The following PPP2R1B variants were observed in gnomAD, a reference collection of about 807,000 sequenced individuals.
The protein encoded by PPP2R1B is protein phosphatase 2 scaffold subunit Abeta.
PPP2R1B carries 58 observed loss-of-function variants against 72.7 expected under a neutral mutation model. The ratio of observed to expected loss-of-function variants is 0.80; its 90% CI spans 0.65 to 0.99. The LOEUF (loss-of-function observed/expected upper bound fraction) is 0.99, where lower values mean the gene tolerates loss of function less well. PPP2R1B is among the 50% of genes least tolerant of loss of function. PPP2R1B has a pLI of 0.00. For synonymous variants in PPP2R1B, 256 were observed against 264.6 expected (o/e 0.97, Z 0.32); for missense variants, 695 against 733.6 (o/e 0.95, Z 0.61).
the PPP2R1B span, among the ~76,000 whole-genome samples, chr11:111,688,727 T>G: frequency 6.6e-6 from 1 of 152,238 alleles, no homozygotes; most frequent in African/African-American, 2.4e-5. The surrounding 1 kb of genome is among the most constrained non-coding windows in gnomAD (Gnocchi z 4.2). Context: ...TTATTTTATA[T>G]TCTCAGTCTC....
At chr11:111,754,184 T>C (rs1479540042) in intron 8 of PPP2R1B, among the ~76,000 whole-genome samples, 1 of 152,210 alleles carries the variant, frequency 6.6e-6, no homozygotes, top group Non-Finnish European at 1.5e-5. Flanking sequence ...CCCAAAGTGC[T>C]TGGATTACAG....
chr11:111,753,559 T>C lies in PPP2R1B; in HGVS notation c.1048A>G (p.Asn350Asp). 1 of 1,607,782 alleles carries C rather than the reference T, an allele frequency of 6.2e-7. No individual in the cohort carries two copies. Among genetic ancestry groups the C allele is most frequent in the South Asian group, 1.1e-5 (1 of 89,364 alleles). Residue 350 changes from asparagine (N) to aspartate (D), a missense_variant, in exon 9 of 15, where the codon AAT (asparagine) becomes GAT (aspartate). Transcript: ENST00000527614. ...GCTAGAGCCGATTTGACATGTTGAT[T>C]GGTATCGGATACTAATTCCTAAAAT... ...PYIKELVSDTNQHVKSALASV... is the reference protein window; with the variant it reads ...PYIKELVSDTDQHVKSALASV...
At chr11:111,713,193 AG>A in the PPP2R1B span, among the ~76,000 whole-genome samples, 1 of 79,462 alleles carries the variant, frequency 1.3e-5, no homozygotes, top group Non-Finnish European at 3.4e-5. Context: ...TAAAAATAAA[AG>A]TTAGTATGTG....
chr11:111,717,491 G>A, the PPP2R1B span, among the ~76,000 whole-genome samples: 18 of 152,176 alleles, frequency 1.2e-4, no homozygotes, highest in African/African-American at 4.3e-4. Flanking sequence ...TACACTGTTA[G>A]TGGGAGTGTA....
At chr11:111,708,460 T>G in the PPP2R1B span, among the ~76,000 whole-genome samples, 4 of 152,190 alleles carry the variant, frequency 2.6e-5, no homozygotes, top group Non-Finnish European at 5.9e-5. Context: ...CCTCTTAGAT[T>G]TGGAGTGCTT....
Position 111,750,843 on chromosome 11 carries a change from GT to G in PPP2R1B, c.1338+1315del, listed in dbSNP as rs11410952. ...AAGCTTCAGTTTTTGTTTTTGTTTTGTTTTTTTTTTTTTGACACAAAGTTTT... is the reference window on the plus strand; with the variant it reads ...AAGCTTCAGTTTTTGTTTTTGTTTTGTTTTTTTTTTTTGACACAAAGTTTT... On this transcript the variant is annotated intron_variant, in intron 10 of 14. Coordinates refer to ENST00000527614, the MANE Select transcript of PPP2R1B (RefSeq NM_002716.5). Among the ~76,000 whole-genome samples, 627 of 145,510 alleles carry G rather than the reference GT, an allele frequency of 4.3e-3. 3 individuals are homozygous for G. Among genetic ancestry groups the G allele is most frequent in the Non-Finnish European group, 7.2e-3 (475 of 66,088 alleles).
At chr11:111,733,143 C>G (rs986477913), downstream of PPP2R1B, among the ~76,000 whole-genome samples, 2 of 152,312 alleles carry the variant, frequency 1.3e-5, no homozygotes, top group African/African-American at 4.8e-5. Context: ...GGGCAGAGAG[C>G]TTGCCAGGCG....
chr11:111,740,743 A>C lies in PPP2R1B; in HGVS notation c.*853T>G. On this transcript the variant is annotated 3_prime_UTR_variant, in exon 15 of 15. Transcript: ENST00000527614. Reference sequence around the variant, plus strand: ...TACTGCTGGAAGCAGAGCCAGGTAAAGAACAGGAAATCTGCACAGTATTAT... The same window carrying C: ...TACTGCTGGAAGCAGAGCCAGGTAACGAACAGGAAATCTGCACAGTATTAT... The C allele has an allele frequency of 1.0e-6, 1 of 985,496 alleles. No homozygotes were observed. The highest frequency in any genetic ancestry group is 1.7e-5 in the African/African-American group (1 of 57,378). 61.0% of individuals were successfully genotyped at this position (985,496 alleles called of 1,614,324 possible). A position where few individuals can be genotyped will look rare whatever the true frequency, so the allele number is the denominator to read the frequency against.
chr11:111,721,935 C>T (rs755602326), downstream of PPP2R1B: 13 of 1,596,358 alleles, frequency 8.1e-6, no homozygotes, highest in South Asian at 6.8e-5. Context: ...GCAGCACAGA[C>T]TCCAGGTGGG....
At position 111,742,568 on chromosome 11, in the gene PPP2R1B, T is replaced by C. The variant is rs367938997; in HGVS notation, c.1652A>G (p.Asn551Ser). The C allele has an allele frequency of 6.1e-5, 99 of 1,613,838 alleles. No individual in the cohort carries two copies. The highest frequency in any genetic ancestry group is 2.4e-4 in the African/African-American group (18 of 74,942). ...AATCTTTTGTAGAGATTTGGCCACA[T>C]TGAAGCGAACATTTGCTACTTGGTC... The part of the protein sequence containing the change: ...AGDQVANVRF[N>S]VAKSLQKIGP... Residue 551 changes from asparagine to serine, a missense_variant, in exon 13 of 15, where the codon AAT (asparagine) becomes AGT (serine). Asn to Ser is a conservative substitution (Grantham distance 46). Transcript: ENST00000527614.
the PPP2R1B span, chr11:111,719,958 ACT>A: frequency 1.2e-6 from 2 of 1,613,918 alleles, no homozygotes; most frequent in Non-Finnish European, 1.7e-6. Flanking sequence ...GAGACGGCAC[ACT>A]CTGTCAGAAG....
the PPP2R1B span, among the ~76,000 whole-genome samples, chr11:111,700,385 T>C: frequency 2.0e-5 from 3 of 151,844 alleles, no homozygotes; most frequent in Admixed American, 6.6e-5. Flanking sequence ...ACTTAGAGGG[T>C]TGTTACTTAG....
chr11:111,749,956 T>C (rs1479486927), intron 10 of PPP2R1B, among the ~76,000 whole-genome samples: 1 of 152,148 alleles, frequency 6.6e-6, no homozygotes, highest in Non-Finnish European at 1.5e-5. Flanking sequence ...CTTCAGCAAA[T>C]CAGTTAATCA....
the PPP2R1B span, chr11:111,688,254 A>G: frequency 7.8e-7 from 1 of 1,279,980 alleles, no homozygotes. The surrounding 1 kb of genome is among the most constrained non-coding windows in gnomAD (Gnocchi z 4.2). Flanking sequence ...ATTCAGCAGC[A>G]TTTCTACCTG....
Position 111,738,007 on chromosome 11 carries a change from C to A in PPP2R1B, c.*3589G>T, listed in dbSNP as rs1944388969. 9.9e-7 allele frequency: 1 copy of A among 1,008,734 alleles called. No homozygotes were observed. Among genetic ancestry groups the A allele is most frequent in the East Asian group, 9.2e-5 (1 of 10,862 alleles). The allele number at this position is 1,008,734 out of a possible 1,614,324, so 62.5% of individuals were successfully genotyped here. ...ATCCCAACTGAACGTTATGTAATTT[C>A]CTGGAAACAGCAGGCTCGTGGAGGC... On this transcript the variant is annotated 3_prime_UTR_variant, in exon 15 of 15. Coordinates refer to ENST00000527614, the MANE Select transcript of PPP2R1B (RefSeq NM_002716.5).
chr11:111,760,451 G>C (rs936335991), intron 4 of PPP2R1B, among the ~76,000 whole-genome samples: 37 of 152,020 alleles, frequency 2.4e-4, no homozygotes, highest in African/African-American at 8.5e-4. Flanking sequence ...TCAAAGTGCT[G>C]GGATTACAAG....
At chr11:111,750,025 C>T (rs1944844764) in intron 10 of PPP2R1B, among the ~76,000 whole-genome samples, 1 of 152,174 alleles carries the variant, frequency 6.6e-6, no homozygotes, top group Non-Finnish European at 1.5e-5. Flanking sequence ...GAGAAGATGA[C>T]CCATAGCACT....
At chr11:111,717,850 A>G in the PPP2R1B span, among the ~76,000 whole-genome samples, 3 of 152,148 alleles carry the variant, frequency 2.0e-5, no homozygotes, top group African/African-American at 7.2e-5. Context: ...CAAACACCAC[A>G]TGTTCTCACG....
the PPP2R1B span, among the ~76,000 whole-genome samples, chr11:111,714,514 T>G: frequency 1.3e-5 from 2 of 152,172 alleles, no homozygotes; most frequent in Non-Finnish European, 2.9e-5. Flanking sequence ...GAAGACAGGT[T>G]AGAGCACGTG....
Sources: gnomAD v4.1 joint callset for allele counts (sites outside exome capture counted in the v4.1 genomes callset) on GRCh38, gnomAD v4.1.1 for gene constraint, Gnocchi (gnomAD v3.1) non-coding constraint, MANE v1.5 for transcripts, NCBI Gene and HGNC (gene_info 2026-07-23, HGNC 2026-07-21) for gene names.